Variants in CD2AP observed in about 807,000 individuals in gnomAD.
CD2AP encodes CD2-associated protein.
In CD2AP, 46 loss-of-function variants were observed where a neutral mutation model predicts 85.1. The ratio of observed to expected loss-of-function variants is 0.54; its 90% CI spans 0.43 to 0.69. The LOEUF is 0.69. CD2AP is among the 30% of genes least tolerant of loss of function. The pLI, the probability that CD2AP is intolerant of heterozygous loss-of-function variation, is 0.00. For synonymous variants in CD2AP, 255 were observed against 252.9 expected (o/e 1.01, Z -0.08); for missense variants, 769 against 729.5 (o/e 1.05, Z -0.62).
chr6:47,555,931 T>C (rs1767670618), intron 5 of CD2AP, among the ~76,000 whole-genome samples: 1 of 152,070 alleles, frequency 6.6e-6, no homozygotes, highest in Non-Finnish European at 1.5e-5. Context: ...GTACTTTCAG[T>C]GTCTTACATA....
intron 5 of CD2AP, among the ~76,000 whole-genome samples, chr6:47,565,912 G>A (rs1582566504): frequency 6.6e-6 from 1 of 152,116 alleles, no homozygotes; most frequent in African/African-American, 2.4e-5. Flanking sequence ...CTTTTAAAAT[G>A]GCTACAAATC....
intron 13 of CD2AP, among the ~76,000 whole-genome samples, chr6:47,599,764 G>A (rs1261221569): frequency 6.6e-6 from 1 of 151,962 alleles, no homozygotes; most frequent in Admixed American, 6.6e-5. Flanking sequence ...ATACACTTTA[G>A]TTTTAAAAGT....
intron 5 of CD2AP, among the ~76,000 whole-genome samples, chr6:47,566,323 T>TATATATATATATATATATATACACAC: frequency 0.01 from 1,105 of 107,666 alleles, 17 homozygotes; most frequent in Middle Eastern, 0.017. Flanking sequence ...TATATATATA[T>TATATATATATATATATATATACACAC]ACACATACAC....
At chr6:47,512,608 T>C (rs1766347917) in intron 2 of CD2AP, among the ~76,000 whole-genome samples, 1 of 152,242 alleles carries the variant, frequency 6.6e-6, no homozygotes, top group Non-Finnish European at 1.5e-5. Flanking sequence ...GCAGTGTGTT[T>C]GTCTTCCAGT....
rs770424942 is a variant in CD2AP, at chr6:47,609,149, C to A, written c.1659C>A (p.Ser553=). The A allele has an allele frequency of 6.2e-7, 1 of 1,613,026 alleles. No homozygotes were observed. The highest frequency in any genetic ancestry group is 1.7e-5 in the Admixed American group (1 of 59,950). The change falls in exon 16 of 18, where the codon TCC becomes TCA. Residue 553 remains serine, a synonymous_variant. Transcript: ENST00000359314. ...PKPSVYLSTP[S]SASKANTTAF... ...CATCTGTGTACCTTTCAACACCTTC[C>A]AGTGCTTCTAAAGCAAATACAACTG...
chr6:47,601,241 C>T (rs115795085), intron 13 of CD2AP, among the ~76,000 whole-genome samples: 157 of 151,890 alleles, frequency 1.0e-3, no homozygotes, highest in Non-Finnish European at 1.8e-3. Flanking sequence ...TATTTACTCC[C>T]TATATAGTAA....
rs567398769 is a variant in CD2AP, at chr6:47,484,179, T to C, written c.4+5931T>C. 3.3e-4 allele frequency among the ~76,000 whole-genome samples: 51 copies of C among 152,298 alleles called. No homozygotes were observed. In the East Asian group the frequency reaches 9.8e-3, roughly 29 times the overall value. ...TAGATCTTTAGACAGTAGCTCACAG[T>C]AGAGACATTTATTATGTCTCTTAAA... On this transcript the variant is annotated intron_variant, in intron 1 of 17. Coordinates refer to ENST00000359314, the MANE Select transcript of CD2AP (RefSeq NM_012120.3).
At chr6:47,600,175 T>C (rs1474468413) in intron 13 of CD2AP, among the ~76,000 whole-genome samples, 1 of 151,946 alleles carries the variant, frequency 6.6e-6, no homozygotes, top group African/African-American at 2.4e-5. Flanking sequence ...AGTTTAACTC[T>C]AGGAAGCAGA....
intron 15 of CD2AP, among the ~76,000 whole-genome samples, chr6:47,608,631 T>C (rs13212790): frequency 0.27 from 40,876 of 152,056 alleles, 5,677 homozygotes; most frequent in African/African-American, 0.33. Flanking sequence ...CAGCAGTCTA[T>C]TGAAATTTTA....
intron 2 of CD2AP, among the ~76,000 whole-genome samples, chr6:47,506,794 G>GGAGGGAGAGGGA (rs765919738): frequency 2.5e-5 from 2 of 80,104 alleles, no homozygotes; most frequent in African/African-American, 9.5e-5. Context: ...AGAGGGAGAC[G>GGAGGGAGAGGGA]GAGGGAGAGG....
At chr6:47,559,944 A>G (rs1212118551) in intron 5 of CD2AP, among the ~76,000 whole-genome samples, 1 of 152,160 alleles carries the variant, frequency 6.6e-6, no homozygotes, top group Non-Finnish European at 1.5e-5. Context: ...CATGATTTAC[A>G]TATTATTTTA....
chr6:47,592,542 G>T (rs543700853), intron 11 of CD2AP, among the ~76,000 whole-genome samples: 1 of 152,214 alleles, frequency 6.6e-6, no homozygotes, highest in African/African-American at 2.4e-5. Context: ...TTTCCTGAGT[G>T]ATAAAGGTGA....
At position 47,487,563 on chromosome 6, in the gene CD2AP, G is replaced by A. The variant is rs183045524; in HGVS notation, c.4+9315G>A. Among the ~76,000 whole-genome samples the A allele has an allele frequency of 4.1e-3, 619 of 152,152 alleles. 2 individuals carry two copies. Among genetic ancestry groups the A allele is most frequent in the African/African-American group, 0.014 (564 of 41,492 alleles). Reference sequence around the variant, plus strand: ...AAATTAGCCGGGCATGGTGGCGGGCGCCTGTAGTCCCAGCTGCTCGGGAGG... The same window carrying A: ...AAATTAGCCGGGCATGGTGGCGGGCACCTGTAGTCCCAGCTGCTCGGGAGG... On this transcript the variant is annotated intron_variant, in intron 1 of 17. Transcript: ENST00000359314.
At chr6:47,484,537 T>C (rs1159640570) in intron 1 of CD2AP, among the ~76,000 whole-genome samples, 1 of 152,234 alleles carries the variant, frequency 6.6e-6, no homozygotes, top group Non-Finnish European at 1.5e-5. Flanking sequence ...AATTCACTAT[T>C]CTAAATTGAT....
intron 4 of CD2AP, among the ~76,000 whole-genome samples, chr6:47,551,027 C>T (rs998065846): frequency 8.6e-5 from 13 of 151,934 alleles, no homozygotes; most frequent in East Asian, 3.9e-4. Flanking sequence ...TTTGGGGCCT[C>T]GGGGGAAGAG....
intron 1 of CD2AP, among the ~76,000 whole-genome samples, chr6:47,498,227 A>T (rs1179537382): frequency 2.6e-5 from 4 of 152,192 alleles, no homozygotes; most frequent in African/African-American, 9.7e-5. Flanking sequence ...GATTTGGCAG[A>T]GTATGCAATT....
chr6:47,524,953 A>G (rs1186435151), intron 2 of CD2AP, among the ~76,000 whole-genome samples: 3 of 152,120 alleles, frequency 2.0e-5, no homozygotes. Context: ...CTTGTTGGTC[A>G]TTTTTCTTTG....
Position 47,584,908 on chromosome 6 carries a change from TA to T in CD2AP, c.1108+2851del, listed in dbSNP as rs201196580. Among the ~76,000 whole-genome samples, 444 of 151,896 alleles carry T rather than the reference TA, an allele frequency of 2.9e-3. 3 individuals are homozygous for T. The highest frequency in any genetic ancestry group is 0.01 in the African/African-American group (430 of 41,466). ...GCTTTATTATCTATTTTTTTACTATTAAAAAAAATCATGTCACCAGTTAGTC... is the reference window on the plus strand; with the variant it reads ...GCTTTATTATCTATTTTTTTACTATTAAAAAAATCATGTCACCAGTTAGTC... On this transcript the variant is annotated intron_variant, in intron 11 of 17. Coordinates refer to ENST00000359314, the MANE Select transcript of CD2AP (RefSeq NM_012120.3).
intron 2 of CD2AP, among the ~76,000 whole-genome samples, chr6:47,517,362 G>A (rs7767598): frequency 0.61 from 92,696 of 151,178 alleles, 29,124 homozygotes; most frequent in Middle Eastern, 0.74. Flanking sequence ...ATCACAGCTC[G>A]CTGCAGCCTC....
Sources: allele counts gnomAD v4.1 joint callset (sites outside exome capture counted in the v4.1 genomes callset), GRCh38; gene constraint gnomAD v4.1.1; transcripts MANE v1.5; gene names NCBI Gene and HGNC (gene_info 2026-07-23, HGNC 2026-07-21).